The following EYS variants were observed in gnomAD, a reference collection of about 807,000 sequenced individuals.
EYS encodes the protein EGF-like photoreceptor maintenance factor, also known as protein eyes shut homolog.
EYS carries 250 observed loss-of-function variants against 282.1 expected under a neutral mutation model. The ratio of observed to expected loss-of-function variants is 0.89; its 90% CI spans 0.80 to 0.98. The LOEUF is 0.98. Among genes scored for constraint, EYS ranks in the 50% least tolerant of loss-of-function variants. The pLI is 0.00. For missense variants in EYS, 4,016 were observed against 3,709.0 expected, an observed-to-expected ratio of 1.08 and a Z score of -2.15; for synonymous variants, 1,355 against 1,282.9, an observed-to-expected ratio of 1.06 and a Z score of -1.20.
chr6:64,428,145 CAA>C (rs1352598216), intron 28 of EYS, among the ~76,000 whole-genome samples: 9 of 152,206 alleles, frequency 5.9e-5, no homozygotes, highest in Admixed American at 6.5e-5. Flanking sequence ...TTCAATATTG[CAA>C]GTTTCTCTTA....
intron 14 of EYS, among the ~76,000 whole-genome samples, chr6:64,981,598 C>T (rs1770668055): frequency 6.6e-6 from 1 of 151,270 alleles, no homozygotes; most frequent in Non-Finnish European, 1.5e-5. Flanking sequence ...AGAAAGATGA[C>T]ATAATTTCCT....
At chr6:63,982,366 T>TG (rs1232374528) in intron 35 of EYS, among the ~76,000 whole-genome samples, 2 of 151,776 alleles carry the variant, frequency 1.3e-5, no homozygotes, top group Non-Finnish European at 2.9e-5. Context: ...TGGGATAGGT[T>TG]GGGGGTCTCA....
chr6:65,427,889 T>A (rs1767724088), intron 5 of EYS, among the ~76,000 whole-genome samples: 1 of 151,992 alleles, frequency 6.6e-6, no homozygotes, highest in Non-Finnish European at 1.5e-5. Context: ...TGCTTCCACA[T>A]ATAGATGATA....
chr6:65,696,158 C>T (rs2149848310), intron 1 of EYS, among the ~76,000 whole-genome samples: 1 of 152,046 alleles, frequency 6.6e-6, no homozygotes, highest in African/African-American at 2.4e-5. Flanking sequence ...CTGTTGTATT[C>T]TTCAAAACGA....
intron 31 of EYS, among the ~76,000 whole-genome samples, chr6:64,229,044 G>T (rs976644114): frequency 6.6e-6 from 1 of 152,190 alleles, no homozygotes; most frequent in African/African-American, 2.4e-5. Context: ...AGGCTGAGGC[G>T]GGTGGATCAC....
chr6:64,033,974 A>G (rs1022113993), intron 33 of EYS, among the ~76,000 whole-genome samples: 11 of 152,178 alleles, frequency 7.2e-5, no homozygotes, highest in African/African-American at 2.7e-4. Context: ...TTTTTACAGT[A>G]TAGTCTAATT....
At chr6:65,514,001 G>A (rs1011521983) in intron 2 of EYS, among the ~76,000 whole-genome samples, 1 of 152,118 alleles carries the variant, frequency 6.6e-6, no homozygotes. Flanking sequence ...AAGTCAAATT[G>A]TCCCTGTTTG....
intron 15 of EYS, among the ~76,000 whole-genome samples, chr6:64,941,558 A>G (rs1769091084): frequency 6.6e-6 from 1 of 152,092 alleles, no homozygotes; most frequent in Non-Finnish European, 1.5e-5. Context: ...CCCATCACCC[A>G]GGTAGTGAGC....
At chr6:64,121,487 A>G (rs1353030312) in intron 31 of EYS, among the ~76,000 whole-genome samples, 1 of 152,220 alleles carries the variant, frequency 6.6e-6, no homozygotes, top group East Asian at 1.9e-4. Context: ...TCTAATTTAA[A>G]AGCTGGGACT....
At chr6:63,773,624 A>C (rs748575094) in intron 40 of EYS, among the ~76,000 whole-genome samples, 1 of 152,248 alleles carries the variant, frequency 6.6e-6, no homozygotes, top group Non-Finnish European at 1.5e-5. Flanking sequence ...TTTGAGCAGG[A>C]AAATGATTAA....
rs1764655776 is a variant in EYS, at chr6:64,813,417, C to T, written c.3404G>A (p.Gly1135Glu). The T allele has an allele frequency of 6.5e-7, 1 of 1,549,006 alleles. No homozygotes were observed. The highest frequency in any genetic ancestry group is 1.7e-4 in the Middle Eastern group (1 of 5,978). Reference protein sequence around the residue: ...ELNSVICLNGGICVDGPGHTF... With the variant: ...ELNSVICLNGEICVDGPGHTF... Reference sequence around the variant, plus strand: ...ATGTCCAGGCCCATCAACACAGATCCCTCCATTAAGACAGATGACTGAATT... The same window carrying T: ...ATGTCCAGGCCCATCAACACAGATCTCTCCATTAAGACAGATGACTGAATT... The change falls in exon 22 of 43, where the codon GGG (glycine) becomes GAG (glutamate). Residue 1135 changes from glycine to glutamate, a missense_variant. By Grantham distance (98) the Gly-to-Glu change is moderately conservative. Coordinates refer to ENST00000503581, the MANE Select transcript of EYS (RefSeq NM_001142800.2).
chr6:65,700,160 G>A (rs1019912567), intron 1 of EYS, among the ~76,000 whole-genome samples: 2 of 142,314 alleles, frequency 1.4e-5, no homozygotes, highest in African/African-American at 5.2e-5. Context: ...ACATCACAAG[G>A]ATTTATGAAA....
chr6:64,261,522 A>T (rs1196698755), intron 30 of EYS, among the ~76,000 whole-genome samples: 1 of 152,036 alleles, frequency 6.6e-6, no homozygotes, highest in Non-Finnish European at 1.5e-5. Context: ...TAGTAACGAA[A>T]AGTTTTCTCC....
intron 12 of EYS, among the ~76,000 whole-genome samples, chr6:65,187,167 C>T (rs1300683607): frequency 1.3e-5 from 2 of 151,652 alleles, no homozygotes; most frequent in Non-Finnish European, 3.0e-5. Flanking sequence ...GCACACACAA[C>T]ATTTATTCAA....
chr6:65,241,757 A>G (rs1038181002), intron 12 of EYS, among the ~76,000 whole-genome samples: 1 of 151,964 alleles, frequency 6.6e-6, no homozygotes, highest in African/African-American at 2.4e-5. Context: ...AAAGTTCTAT[A>G]TGTGATTATC....
At chr6:65,474,914 T>C (rs2127246768) in intron 5 of EYS, among the ~76,000 whole-genome samples, 1 of 151,864 alleles carries the variant, frequency 6.6e-6, no homozygotes, top group South Asian at 2.1e-4. Flanking sequence ...AAATGAGAGC[T>C]CCGGAGAATG....
chr6:65,687,493 A>G (rs1200489635), intron 1 of EYS, among the ~76,000 whole-genome samples: 1 of 152,080 alleles, frequency 6.6e-6, no homozygotes, highest in Non-Finnish European at 1.5e-5. Context: ...ACCTCTAAGT[A>G]GAAAGATTCT....
chr6:64,672,056 G>A lies in EYS; in HGVS notation c.3444-45811C>T, dbSNP rs147935144. On this transcript the variant is annotated intron_variant, in intron 22 of 42. Transcript: ENST00000503581. ...GGCATTTTATTACTGAATTATTCTG[G>A]TTTTAGATCATACCTAGATACCTTT... Among the ~76,000 whole-genome samples, 118 of 152,060 alleles carry A rather than the reference G, an allele frequency of 7.8e-4. 1 individual carries two copies. Among genetic ancestry groups the A allele is most frequent in the African/African-American group, 2.7e-3 (111 of 41,490 alleles).
At chr6:65,425,475 C>A (rs962466653) in intron 5 of EYS, among the ~76,000 whole-genome samples, 10 of 151,990 alleles carry the variant, frequency 6.6e-5, no homozygotes, top group Non-Finnish European at 8.8e-5. Flanking sequence ...TGCAAAGAGG[C>A]TGAGTAGGTA....
Sources: allele counts gnomAD v4.1 joint callset (sites outside exome capture counted in the v4.1 genomes callset), GRCh38; gene constraint gnomAD v4.1.1; transcripts MANE v1.5; gene names NCBI Gene and HGNC (gene_info 2026-07-23, HGNC 2026-07-21).